Variants in PRUNE2 observed in about 807,000 individuals in gnomAD.
PRUNE2 encodes protein prune homolog 2.
A neutral mutation model predicts 252.0 loss-of-function variants in PRUNE2; 164 were observed. The ratio of observed to expected loss-of-function variants is 0.65; its 90% CI spans 0.57 to 0.74. The LOEUF (loss-of-function observed/expected upper bound fraction) is 0.74, where lower values mean the gene tolerates loss of function less well. Among genes scored for constraint, PRUNE2 ranks in the 30% least tolerant of loss-of-function variants. The probability of loss-of-function intolerance (pLI) is 0.00; values close to 1 mark genes in which losing one functional copy is unlikely to be tolerated. For missense variants in PRUNE2, 3,495 were observed against 3,711.0 expected, an observed-to-expected ratio of 0.94 and a Z score of 1.51; for synonymous variants, 1,292 against 1,350.2, an observed-to-expected ratio of 0.96 and a Z score of 0.94.
chr9:76,651,262 G>A (rs1168625164), intron 11 of PRUNE2, among the ~76,000 whole-genome samples: 3 of 152,078 alleles, frequency 2.0e-5, no homozygotes, highest in South Asian at 4.2e-4. Context: ...AAAACAAGTC[G>A]TTTAGCCATT....
At chr9:76,827,539 G>A (rs1473185108) in intron 4 of PRUNE2, among the ~76,000 whole-genome samples, 1 of 152,142 alleles carries the variant, frequency 6.6e-6, no homozygotes, top group African/African-American at 2.4e-5. Context: ...AAATGATTAA[G>A]CTCTCTAAAA....
chr9:76,707,225 T>C lies in PRUNE2; in HGVS notation c.5049A>G (p.Thr1683=), dbSNP rs189624237. The change falls in exon 8 of 19, where the codon ACA becomes ACG. Residue 1683 remains threonine (T), a synonymous_variant. Coordinates refer to ENST00000376718, the MANE Select transcript of PRUNE2 (RefSeq NM_015225.3). ...CACTGTCATCATCAGAACCTGAGCT[T>C]GTTGAAATGACCCTGGCATCCTCTG... The part of the protein sequence containing the change: ...VQPEDARVIS[T]SSGSDDDSVG... The C allele has an allele frequency of 7.3e-5, 118 of 1,613,962 alleles. 1 individual carries two copies. The East Asian group carries it at 2.5e-3, about 34-fold the overall frequency.
chr9:76,733,378 GATTCATTCATTC>G (rs34956717), intron 6 of PRUNE2, among the ~76,000 whole-genome samples: 161 of 149,028 alleles, frequency 1.1e-3, no homozygotes, highest in Middle Eastern at 3.4e-3. Flanking sequence ...ATAAACCACA[GATTCATTCATTC>G]ATTCATTCAT....
intron 6 of PRUNE2, among the ~76,000 whole-genome samples, chr9:76,809,330 G>C (rs2057198262): frequency 6.6e-6 from 1 of 152,048 alleles, no homozygotes; most frequent in Non-Finnish European, 1.5e-5. Context: ...TTTTTTTATT[G>C]AAGGGATTGG....
intron 9 of PRUNE2, among the ~76,000 whole-genome samples, chr9:76,698,133 G>A (rs756238153): frequency 6.8e-6 from 1 of 146,018 alleles, no homozygotes; most frequent in Non-Finnish European, 1.5e-5. Flanking sequence ...TGCAACCTCC[G>A]CCTCCTGGGT....
In PRUNE2 at chr9:76,709,893, A is replaced by T. The variant is rs1289322625; in HGVS notation, c.2381T>A (p.Val794Glu). ...TGCACTCCAGGCTGGGAATGGCGCC[A>T]CAGCTGCTGGTTCACCATCATCTGT... ...NPTDDGEPAAVAPFPAWSAFG... is the reference protein window; with the variant it reads ...NPTDDGEPAAEAPFPAWSAFG... The change falls in exon 8 of 19, where the codon GTG (valine) becomes GAG (glutamate). Residue 794 changes from valine to glutamate, a missense_variant. Coordinates refer to ENST00000376718, the MANE Select transcript of PRUNE2 (RefSeq NM_015225.3). The T allele has an allele frequency of 6.2e-7, 1 of 1,613,900 alleles. No individual in the cohort carries two copies. The highest frequency in any genetic ancestry group is 8.5e-7 in the Non-Finnish European group (1 of 1,179,864).
chr9:76,658,023 C>T (rs1849875186), intron 9 of PRUNE2, among the ~76,000 whole-genome samples: 3 of 152,100 alleles, frequency 2.0e-5, no homozygotes, highest in South Asian at 2.1e-4. Context: ...CTGTGATCAG[C>T]GGATGACCCA....
At chr9:76,644,485 C>A (rs201775318) in intron 12 of PRUNE2, 1 of 421,836 alleles carries the variant, frequency 2.4e-6, no homozygotes, top group East Asian at 4.2e-5. Context: ...TAAATTTGCA[C>A]AAGATGATCG....
intron 6 of PRUNE2, among the ~76,000 whole-genome samples, chr9:76,777,418 C>T (rs180758468): frequency 3.9e-4 from 60 of 152,324 alleles, no homozygotes; most frequent in African/African-American, 1.3e-3. Context: ...CTGTAAAATG[C>T]TATCCCAGGC....
At chr9:76,816,421 A>G (rs879315070) in intron 6 of PRUNE2, among the ~76,000 whole-genome samples, 1 of 152,106 alleles carries the variant, frequency 6.6e-6, no homozygotes, top group African/African-American at 2.4e-5. Flanking sequence ...TCATAGCTCA[A>G]TAGGAACGAA....
intron 6 of PRUNE2, among the ~76,000 whole-genome samples, chr9:76,735,247 T>C (rs917656876): frequency 1.3e-5 from 2 of 152,062 alleles, no homozygotes; most frequent in Non-Finnish European, 2.9e-5. Flanking sequence ...AACTGAAGAA[T>C]AGAGAGATGA....
At chr9:76,684,485 A>G (rs1002256612) in intron 9 of PRUNE2, among the ~76,000 whole-genome samples, 1 of 152,116 alleles carries the variant, frequency 6.6e-6, no homozygotes, top group Non-Finnish European at 1.5e-5. Flanking sequence ...CACTTTCCCA[A>G]TGGTTGGGGT....
intron 1 of PRUNE2, among the ~76,000 whole-genome samples, chr9:76,865,070 A>T (rs989894463): frequency 6.6e-6 from 1 of 152,258 alleles, no homozygotes; most frequent in Non-Finnish European, 1.5e-5. Flanking sequence ...CAGTGTTAGC[A>T]GAGGCCTCAG....
At chr9:76,738,916 G>A (rs2049316843) in intron 6 of PRUNE2, 1 of 152,166 alleles carries the variant, frequency 6.6e-6, no homozygotes, top group Non-Finnish European at 1.5e-5. Flanking sequence ...GTCAAAGGTA[G>A]CATGTGTCAT....
At position 76,706,740 on chromosome 9, in the gene PRUNE2, T is replaced by C. The variant is rs1229793912; in HGVS notation, c.5534A>G (p.Glu1845Gly). The change falls in exon 8 of 19, where the codon GAA (glutamate) becomes GGA (glycine). Residue 1845 changes from glutamate to glycine, a missense_variant. Physicochemically the swap from Glu to Gly is moderately conservative, Grantham distance 98. Transcript: ENST00000376718. ...QEGRLIESPFERELSDSSGVL... is the reference protein window; with the variant it reads ...QEGRLIESPFGRELSDSSGVL... The stretch of plus-strand genomic sequence containing the variant: ...ACCACTGGAGTCAGACAGCTCCCTT[T>C]CAAATGGACTTTCAATTAGTCTCCC... 3 of 1,612,754 alleles carry C rather than the reference T, an allele frequency of 1.9e-6. No individual in the cohort carries two copies. The South Asian group carries it at 3.3e-5, about 18-fold the overall frequency.
intron 11 of PRUNE2, among the ~76,000 whole-genome samples, chr9:76,651,635 T>C (rs752013204): frequency 1.3e-5 from 2 of 152,206 alleles, no homozygotes; most frequent in Non-Finnish European, 2.9e-5. Context: ...TATTTGTACA[T>C]ATTTCTTAAA....
intron 9 of PRUNE2, among the ~76,000 whole-genome samples, chr9:76,666,977 C>G (rs1186463175): frequency 6.6e-6 from 1 of 152,046 alleles, no homozygotes; most frequent in African/African-American, 2.4e-5. Context: ...ACCCAGGAAG[C>G]AGAGGTTGGG....
At chr9:76,796,022 C>T (rs191790519) in intron 6 of PRUNE2, among the ~76,000 whole-genome samples, 190 of 152,340 alleles carry the variant, frequency 1.2e-3, no homozygotes, top group African/African-American at 3.6e-3. Context: ...CAATCACTCA[C>T]TTCACAGGTG....
chr9:76,642,059 C>G, intron 12 of PRUNE2: 2 of 1,028,674 alleles, frequency 1.9e-6, no homozygotes, highest in East Asian at 2.6e-5. Flanking sequence ...AATTACTTGG[C>G]ATTATTGTTC....
Sources: gnomAD v4.1 joint callset for allele counts (sites outside exome capture counted in the v4.1 genomes callset) on GRCh38, gnomAD v4.1.1 for gene constraint, MANE v1.5 for transcripts, NCBI Gene and HGNC (gene_info 2026-07-23, HGNC 2026-07-21) for gene names.